The following DMD variants were observed in gnomAD, a reference collection of about 807,000 sequenced individuals.
DMD encodes the protein dystrophin.
DMD carries 63 observed loss-of-function variants against 330.1 expected under a neutral mutation model. That is an observed-to-expected ratio of 0.19 (90% confidence interval 0.16 to 0.24). The LOEUF (loss-of-function observed/expected upper bound fraction) is 0.24. Ranked by LOEUF, DMD falls within the 10% of genes least tolerant of loss-of-function variation. DMD has a pLI of 1.00. For missense variants in DMD, 3,344 were observed against 2,684.1 expected (o/e 1.25, Z -5.43); for synonymous variants, 1,223 against 959.8 (o/e 1.27, Z -5.07).
intron 55 of DMD, among the ~76,000 whole-genome samples, chrX:31,566,005 T>C (rs2075445658): frequency 8.9e-6 from 1 of 111,865 alleles, no homozygotes; most frequent in African/African-American, 3.2e-5. Context: ...TCTTTATATA[T>C]TCTAGACATC....
rs1557061629 is a variant in DMD, at chrX:32,827,065, C to CACA, written c.265-3679_265-3678insTGT. 8.4e-4 allele frequency among the ~76,000 whole-genome samples: 58 copies of CACA among 68,955 alleles called. 5 individuals carry two copies. The highest frequency in any genetic ancestry group is 6.1e-3 in the Middle Eastern group (1 of 165). 59.9% of individuals were successfully genotyped at this position (68,955 alleles called of 115,157 possible). Reference sequence around the variant, plus strand: ...TTGGAACACACATCGCACCCCCCCCCCACACACACACACACACAGCAGCAG... The same window carrying CACA: ...TTGGAACACACATCGCACCCCCCCCCACACACACACACACACACACAGCAGCAG... On this transcript the variant is annotated intron_variant, in intron 4 of 78. Transcript: ENST00000357033.
rs377383336 is a variant in DMD at position 31,437,178 on chromosome X, T to C, written c.9084+7303A>G. Among the ~76,000 whole-genome samples, 24 of 112,248 alleles carry C rather than the reference T, an allele frequency of 2.1e-4. No individual in the cohort carries two copies. The East Asian group carries it at 6.4e-3, about 30-fold the overall frequency. ...AAAAGTACTACTTAGTATCTGCTAA[T>C]TGAGAAAAGGCTATTAGCTGATAAA... On this transcript the variant is annotated intron_variant, in intron 60 of 78. Coordinates refer to ENST00000357033, the MANE Select transcript of DMD (RefSeq NM_004006.3).
intron 1 of DMD, among the ~76,000 whole-genome samples, chrX:33,073,588 T>C (rs1466190299): frequency 9.0e-6 from 1 of 111,064 alleles, no homozygotes; most frequent in Non-Finnish European, 1.9e-5. Flanking sequence ...CCCAGCACTT[T>C]GGGAGGCTGA....
At chrX:32,629,337 T>C (rs932276034) in intron 11 of DMD, among the ~76,000 whole-genome samples, 1 of 111,950 alleles carries the variant, frequency 8.9e-6, no homozygotes, top group African/African-American at 3.2e-5. Flanking sequence ...TAGCTAATCC[T>C]GTTCTTTTTT....
At chrX:32,737,145 G>A (rs991204501) in intron 7 of DMD, among the ~76,000 whole-genome samples, 3 of 109,951 alleles carry the variant, frequency 2.7e-5, no homozygotes, top group Non-Finnish European at 3.8e-5. Context: ...ACAAAAGGGG[G>A]GGGACATAAA....
At chrX:32,517,739 C>G in intron 18 of DMD, 1 of 416,309 alleles carries the variant, frequency 2.4e-6, no homozygotes, top group Non-Finnish European at 4.2e-6. Context: ...GAATTAATGT[C>G]ATAAAATTGT....
chrX:31,937,095 T>A (rs1020106140), intron 45 of DMD, among the ~76,000 whole-genome samples: 13 of 111,668 alleles, frequency 1.2e-4, no homozygotes, highest in African/African-American at 4.2e-4. Flanking sequence ...CGCTGAAAAT[T>A]TTTAAATGGG....
At chrX:31,686,476 G>A (rs5927030) in intron 52 of DMD, among the ~76,000 whole-genome samples, 46,848 of 110,839 alleles carry the variant, frequency 0.42, 7,942 homozygotes, top group African/African-American at 0.62. Flanking sequence ...TATTCCAGGC[G>A]AACAAATGTC....
intron 29 of DMD, among the ~76,000 whole-genome samples, chrX:32,426,249 A>C (rs1314681727): frequency 8.9e-6 from 1 of 112,018 alleles, no homozygotes; most frequent in Admixed American, 9.5e-5. Flanking sequence ...ATAAAGGTTT[A>C]ACATCCAGAA....
In DMD at chrX:33,127,947, AC is replaced by A. The variant is rs1375878037; in HGVS notation, c.31+83334del. The A allele has an allele frequency of 6.9e-6, 6 of 872,800 alleles. No individual in the cohort carries two copies. In the African/African-American group the frequency reaches 1.2e-4, roughly 18 times the overall value. The allele number at this position is 872,800 out of a possible 1,213,427, so 71.9% of individuals were successfully genotyped here. A position where few individuals can be genotyped will look rare whatever the true frequency, so the allele number is the denominator to read the frequency against. ...TTATCCTATAGGTTATTGGTGTCAA[AC>A]CCCTTTCTTCCCTTCCTCACAACAA... On this transcript the variant is annotated intron_variant, in intron 1 of 78. Transcript: ENST00000357033.
chrX:32,047,282 G>C (rs2096070850), intron 44 of DMD, among the ~76,000 whole-genome samples: 2 of 111,392 alleles, frequency 1.8e-5, no homozygotes, highest in Admixed American at 1.9e-4. Flanking sequence ...GGATATAGAT[G>C]ATAAATAGAT....
At chrX:32,306,280 C>T (rs984203442) in intron 42 of DMD, among the ~76,000 whole-genome samples, 5 of 110,871 alleles carry the variant, frequency 4.5e-5, no homozygotes, top group African/African-American at 1.6e-4. Context: ...CTTAGGTTTA[C>T]TTGTCCTAAC....
chrX:32,910,811 T>C (rs2087169736), intron 2 of DMD, among the ~76,000 whole-genome samples: 1 of 112,165 alleles, frequency 8.9e-6, no homozygotes. Context: ...ATCTGAACAC[T>C]TATTAGTAAA....
chrX:31,128,976 A>G, intron 77 of DMD, among the ~76,000 whole-genome samples: 1 of 112,050 alleles, frequency 8.9e-6, no homozygotes. Context: ...CATTTTCTAA[A>G]CATTTATTTT....
At chrX:32,397,405 T>C (rs1474594247) in intron 30 of DMD, among the ~76,000 whole-genome samples, 1 of 111,911 alleles carries the variant, frequency 8.9e-6, no homozygotes, top group Non-Finnish European at 1.9e-5. Context: ...CACTCACATA[T>C]GCTCTATGAG....
chrX:31,438,116 C>T (rs1361924584), intron 60 of DMD, among the ~76,000 whole-genome samples: 1 of 110,468 alleles, frequency 9.1e-6, no homozygotes, highest in Non-Finnish European at 1.9e-5. Flanking sequence ...CTTTATCTTC[C>T]TCTTTCTGCC....
chrX:33,052,856 A>G (rs924829283), intron 1 of DMD, among the ~76,000 whole-genome samples: 3 of 86,914 alleles, frequency 3.5e-5, no homozygotes, highest in Non-Finnish European at 7.7e-5. Context: ...GCTTAAGGTA[A>G]TAGATGCCCC....
intron 11 of DMD, among the ~76,000 whole-genome samples, chrX:32,624,828 A>T (rs2058241308): frequency 8.9e-6 from 1 of 112,437 alleles, no homozygotes; most frequent in African/African-American, 3.2e-5. Flanking sequence ...CTGTATGAAC[A>T]TAAAGGAATT....
At chrX:31,330,572 T>C (rs1233997293) in intron 61 of DMD, among the ~76,000 whole-genome samples, 2 of 112,154 alleles carry the variant, frequency 1.8e-5, no homozygotes, top group Non-Finnish European at 1.9e-5. Flanking sequence ...GGGCAACATC[T>C]GATTGTTGGT....
Sources: gnomAD v4.1 joint callset for allele counts (sites outside exome capture counted in the v4.1 genomes callset) on GRCh38, gnomAD v4.1.1 for gene constraint, MANE v1.5 for transcripts, NCBI Gene and HGNC (gene_info 2026-07-23, HGNC 2026-07-21) for gene names.